The following MAGOH variants were observed in gnomAD, a reference collection of about 807,000 sequenced individuals.
MAGOH encodes protein mago nashi homolog.
In MAGOH, 3 loss-of-function variants were observed where a neutral mutation model predicts 20.9. That is an observed-to-expected ratio of 0.14 (90% confidence interval 0.07 to 0.37). The LOEUF (loss-of-function observed/expected upper bound fraction) is 0.37, where lower values mean the gene tolerates loss of function less well. MAGOH is among the 10% of genes least tolerant of loss of function. MAGOH has a pLI of 1.00. For missense variants in MAGOH, 66 were observed against 178.1 expected, an observed-to-expected ratio of 0.37 and a Z score of 3.58; for synonymous variants, 51 against 61.0, an observed-to-expected ratio of 0.84 and a Z score of 0.76.
At chr1:53,233,780 A>G (rs1557728539) in intron 2 of MAGOH, 128 bp from the exon 3 acceptor site, 1 of 671,888 alleles carries the variant, frequency 1.5e-6, no homozygotes, top group Admixed American at 2.4e-5. Flanking sequence ...GTGGGAAGAC[A>G]TTCATGCTCA....
At chr1:53,229,121 T>G (rs1645573879) in intron 3 of MAGOH, among the ~76,000 whole-genome samples, 167 bp from the exon 4 acceptor site, 1 of 151,902 alleles carries the variant, frequency 6.6e-6, no homozygotes, top group African/African-American at 2.4e-5. Flanking sequence ...AAACAAGAGA[T>G]AAATACAGCT....
chr1:53,234,163 T>G (rs1645600008), intron 2 of MAGOH, among the ~76,000 whole-genome samples: 1 of 152,140 alleles, frequency 6.6e-6, no homozygotes, highest in South Asian at 2.1e-4. Flanking sequence ...GACACAGCAT[T>G]CATTCCTTCT....
chr1:53,238,324 T>C, intron 1 of MAGOH, 37 bp downstream of exon 1: 1 of 1,606,552 alleles, frequency 6.2e-7, no homozygotes, highest in Non-Finnish European at 8.5e-7. Context: ...CCCCCAGGCC[T>C]GGTCCCCGCT....
intron 1 of MAGOH, among the ~76,000 whole-genome samples, chr1:53,237,609 G>A (rs1645618683): frequency 1.4e-5 from 2 of 146,228 alleles, no homozygotes; most frequent in Admixed American, 1.4e-4. Context: ...GGGAGGCGGA[G>A]GTTGCAATAA....
rs540302119 is a variant in MAGOH, at chr1:53,231,094, G to A, written c.259-2140C>T. Among the ~76,000 whole-genome samples, 24 of 151,952 alleles carry A rather than the reference G, an allele frequency of 1.6e-4. 1 individual carries two copies. Among genetic ancestry groups the A allele is most frequent in the South Asian group, 6.2e-4 (3 of 4,806 alleles). ...TTTTCTCATATCATTTTTTAAATTC[G>A]GCAGATTTTTTTCTGTTTTTATTCT... On this transcript the variant is annotated intron_variant, in intron 3 of 4. Transcript: ENST00000371470.
Position 53,233,637 on chromosome 1 carries a change from T to C in MAGOH, c.163A>G (p.Ser55Gly), listed in dbSNP as rs763619997. The C allele has an allele frequency of 1.8e-5, 29 of 1,611,342 alleles. No homozygotes were observed. The East Asian group carries it at 6.5e-4, about 36-fold the overall frequency. Residue 55 changes from serine (S) to glycine (G), a missense_variant, in exon 3 of 5, where the codon AGC becomes GGC. Physicochemically the swap from Ser to Gly is moderately conservative, Grantham distance 56. Coordinates refer to ENST00000371470, the MANE Select transcript of MAGOH (RefSeq NM_002370.4). ...MIRKEAYVHK[S>G]VMEELKRIID... ...ATTCTCTTCAGTTCCTCCATCACGC[T>C]TTTATGTACATAAGCCTGAACGCAA... is the stretch of plus-strand genomic sequence containing the variant.
At chr1:53,237,233 G>C (rs1368466752) in intron 1 of MAGOH, among the ~76,000 whole-genome samples, 1 of 151,220 alleles carries the variant, frequency 6.6e-6, no homozygotes, top group Non-Finnish European at 1.5e-5. Context: ...ACAGGCTTGA[G>C]CCACCGCGCC....
At chr1:53,235,745 T>C in intron 1 of MAGOH, 110 bp from the exon 2 acceptor site, 1 of 780,686 alleles carries the variant, frequency 1.3e-6, no homozygotes, top group South Asian at 1.6e-5. Flanking sequence ...TTGCTAAAAG[T>C]GTCTAACAGA....
intron 2 of MAGOH, among the ~76,000 whole-genome samples, chr1:53,234,763 T>G (rs1341719312): frequency 5.9e-5 from 9 of 152,148 alleles, no homozygotes; most frequent in Non-Finnish European, 2.9e-5. Context: ...GATATTGACA[T>G]GTGTGAATAA....
intron 2 of MAGOH, 81 bp downstream of exon 2, chr1:53,235,496 A>T: frequency 8.5e-7 from 1 of 1,177,264 alleles, no homozygotes; most frequent in Non-Finnish European, 1.3e-6. Flanking sequence ...TTTCAATACT[A>T]CTAGAAACAA....
chr1:53,233,325 A>G (rs1645595343), intron 3 of MAGOH: 3 of 445,830 alleles, frequency 6.7e-6, no homozygotes, highest in Non-Finnish European at 1.2e-5. Flanking sequence ...GTATATAAAT[A>G]TACATGAATT....
At chr1:53,227,790 C>T (rs951655011) in intron 4 of MAGOH, among the ~76,000 whole-genome samples, 1 of 152,086 alleles carries the variant, frequency 6.6e-6, no homozygotes, top group Admixed American at 6.6e-5. Flanking sequence ...CCGCCTGCCT[C>T]GGCCTCCCAA....
At position 53,235,507 on chromosome 1, in the gene MAGOH, T is replaced by TA; in HGVS notation, c.147+69dup. 4 of 1,342,744 alleles carry TA rather than the reference T, an allele frequency of 3.0e-6. No homozygotes were observed. In the South Asian group the frequency reaches 4.8e-5, roughly 16 times the overall value. 83.2% of individuals were successfully genotyped at this position (1,342,744 alleles called of 1,614,324 possible). A position where few individuals can be genotyped will look rare whatever the true frequency, so the allele number is the denominator to read the frequency against. ...TATCTTTCAATACTACTAGAAACAA[T>TA]AAAAACAATGCAAGACAAAAAGCTG... On this transcript the variant is annotated intron_variant, in intron 2 of 4. Transcript: ENST00000371470.
At chr1:53,229,152 C>T (rs1486480356) in intron 3 of MAGOH, among the ~76,000 whole-genome samples, 198 bp from the exon 4 acceptor site, 1 of 151,874 alleles carries the variant, frequency 6.6e-6, no homozygotes, top group Non-Finnish European at 1.5e-5. Context: ...AGAAGTTGTA[C>T]CCTTAAGGCC....
chr1:53,234,120 G>C (rs1645599664), intron 2 of MAGOH, among the ~76,000 whole-genome samples: 1 of 152,160 alleles, frequency 6.6e-6, no homozygotes, highest in Non-Finnish European at 1.5e-5. Flanking sequence ...AAGGGAACTA[G>C]CTGGCCCCTT....
chr1:53,237,460 A>AG (rs1337010170), intron 1 of MAGOH, among the ~76,000 whole-genome samples: 1 of 150,076 alleles, frequency 6.7e-6, no homozygotes, highest in Non-Finnish European at 1.5e-5. Flanking sequence ...GTATCACCTG[A>AG]GGTCAGGAGT....
chr1:53,234,541 T>C (rs1645602593), intron 2 of MAGOH, among the ~76,000 whole-genome samples: 1 of 151,876 alleles, frequency 6.6e-6, no homozygotes, highest in African/African-American at 2.4e-5. Flanking sequence ...GCCTGGCTAA[T>C]TTTTTTGTAT....
chr1:53,231,467 A>G (rs6673692), intron 3 of MAGOH, among the ~76,000 whole-genome samples: 71,341 of 152,106 alleles, frequency 0.47, 17,581 homozygotes, highest in Non-Finnish European at 0.55. Context: ...ATACAAGTCT[A>G]TATTCTGTTT....
intron 3 of MAGOH, 25 bp from the exon 4 acceptor site, chr1:53,228,979 G>A: frequency 6.7e-7 from 1 of 1,489,532 alleles, no homozygotes; most frequent in South Asian, 1.1e-5. Flanking sequence ...GAAAATCGAA[G>A]TCAAGTAGAA....
Sources: gnomAD v4.1 joint callset for allele counts (sites outside exome capture counted in the v4.1 genomes callset) on GRCh38, gnomAD v4.1.1 for gene constraint, MANE v1.5 for transcripts, NCBI Gene and HGNC (gene_info 2026-07-23, HGNC 2026-07-21) for gene names.